Variants in NSDHL observed in about 807,000 individuals in gnomAD.
NSDHL encodes the protein NAD(P) dependent 3-beta-hydroxysteroid dehydrogenase NSDHL.
Under a neutral mutation model 23.0 loss-of-function variants are expected in NSDHL, and 1 was observed. The observed-to-expected ratio is 0.04, with a 90% CI of 0.02 to 0.21. NSDHL has a LOEUF of 0.21. Among genes scored for constraint, NSDHL ranks in the 10% least tolerant of loss-of-function variants. The pLI, the probability that NSDHL is intolerant of heterozygous loss-of-function variation, is 1.00. For missense variants in NSDHL, 237 were observed against 300.9 expected, an observed-to-expected ratio of 0.79 and a Z score of 1.57; for synonymous variants, 128 against 121.1, an observed-to-expected ratio of 1.06 and a Z score of -0.37.
intron 3 of NSDHL, among the ~76,000 whole-genome samples, chrX:152,853,110 C>T (rs1556846501): frequency 1.0e-5 from 1 of 99,475 alleles, no homozygotes; most frequent in Non-Finnish European, 2.0e-5. Context: ...TATCTCCAAC[C>T]CCTAGCTCTC....
chrX:152,850,753 G>A (rs782297961), intron 3 of NSDHL, among the ~76,000 whole-genome samples: 1 of 112,243 alleles, frequency 8.9e-6, no homozygotes, highest in South Asian at 3.7e-4. Flanking sequence ...AGTGTGTGCT[G>A]GGCCACAGGG....
At chrX:152,849,748 T>A (rs976194917) in intron 2 of NSDHL, among the ~76,000 whole-genome samples, 1 of 112,632 alleles carries the variant, frequency 8.9e-6, no homozygotes, top group African/African-American at 3.2e-5. Context: ...CCCAGCCCTG[T>A]TGTGGCCAGA....
chrX:152,858,997 C>G lies in NSDHL; in HGVS notation c.414+81C>G, dbSNP rs782715248. ...GGTGCAAGGCCGTAGTTCTTGCAGT[C>G]TCCCTGGGCCTAGGCGGGGTTGCTT... On this transcript the variant is annotated intron_variant, in intron 4 of 7. Coordinates refer to ENST00000370274, the MANE Select transcript of NSDHL (RefSeq NM_015922.3). 1.1e-4 allele frequency: 93 copies of G among 838,047 alleles called. 1 individual carries two copies. The South Asian group carries it at 2.1e-3, about 19-fold the overall frequency. The allele number at this position is 838,047 out of a possible 1,213,427, so 69.1% of individuals were successfully genotyped here.
At chrX:152,844,880 A>G (rs1285066397) in intron 1 of NSDHL, among the ~76,000 whole-genome samples, 1 of 111,854 alleles carries the variant, frequency 8.9e-6, no homozygotes, top group Non-Finnish European at 1.9e-5. Context: ...CTTGTTCTCT[A>G]GCTGCTTTGG....
At chrX:152,854,249 C>T (rs1419120183) in intron 3 of NSDHL, among the ~76,000 whole-genome samples, 4 of 111,114 alleles carry the variant, frequency 3.6e-5, no homozygotes, top group African/African-American at 1.3e-4. Context: ...GGGCGAGTTG[C>T]ATTTAACCAG....
chrX:152,869,275 C>A lies in NSDHL; in HGVS notation c.*159C>A. On this transcript the variant is annotated 3_prime_UTR_variant, in exon 8 of 8. Coordinates refer to ENST00000370274, the MANE Select transcript of NSDHL (RefSeq NM_015922.3). The stretch of plus-strand genomic sequence containing the variant: ...CCTACTCTTTCCGTGACGATGAGGG[C>A]GGCAAAAACAGACATTTCTTCCTTC... 1 of 506,231 alleles carries A rather than the reference C, an allele frequency of 2.0e-6. No individual in the cohort carries two copies. The highest frequency in any genetic ancestry group is 3.5e-6 in the Non-Finnish European group (1 of 287,590). 41.7% of individuals were successfully genotyped at this position (506,231 alleles called of 1,213,427 possible).
At chrX:152,868,466 A>G (rs782000859) in intron 7 of NSDHL, among the ~76,000 whole-genome samples, 1 of 112,216 alleles carries the variant, frequency 8.9e-6, no homozygotes, top group East Asian at 2.8e-4. Flanking sequence ...CAAGCAGAAC[A>G]CCGTCAAGAA....
At chrX:152,836,637 GCTCTGTTTTGTTCCATTGGTCTATAT>G (rs1467700798) in intron 1 of NSDHL, among the ~76,000 whole-genome samples, 1 of 111,581 alleles carries the variant, frequency 9.0e-6, no homozygotes, top group African/African-American at 3.3e-5. Flanking sequence ...ATTTCTGAGC[GCTCTGTTTTGTTCCATTGGTCTATAT>G]CTCTGTTTTG....
rs782586851 is a variant in NSDHL at position 152,858,827 on chromosome X, C to T, written c.325C>T (p.Pro109Ser). The T allele has an allele frequency of 2.5e-6, 3 of 1,203,393 alleles. No homozygotes were observed. Among genetic ancestry groups the T allele is most frequent in the Non-Finnish European group, 3.4e-6 (3 of 887,904 alleles). The change falls in exon 4 of 8, where the codon CCA (proline) becomes TCA (serine). Residue 109 changes from proline to serine, a missense_variant. Coordinates refer to ENST00000370274, the MANE Select transcript of NSDHL (RefSeq NM_015922.3). The stretch of plus-strand genomic sequence containing the variant: ...AGTTTTCCACTGTGCGTCACCCCCA[C>T]CATCCAGTAACAACAAGGAGCTCTT... ...NTVFHCASPP[P>S]SSNNKELFYR...
At chrX:152,845,510 G>A (rs1556845415) in intron 1 of NSDHL, among the ~76,000 whole-genome samples, 1 of 111,196 alleles carries the variant, frequency 9.0e-6, no homozygotes, top group African/African-American at 3.3e-5. Context: ...TCAGTATCAT[G>A]GGTGACTGAG....
At chrX:152,841,155 G>C (rs782537200) in intron 1 of NSDHL, among the ~76,000 whole-genome samples, 1 of 112,862 alleles carries the variant, frequency 8.9e-6, no homozygotes, top group Non-Finnish European at 1.9e-5. Context: ...TGCTAAGACC[G>C]TGGGAAAAGT....
chrX:152,868,143 T>C (rs1164891413), intron 7 of NSDHL, among the ~76,000 whole-genome samples: 1 of 108,891 alleles, frequency 9.2e-6, no homozygotes, highest in Non-Finnish European at 1.9e-5. Context: ...ATTTTTTTTT[T>C]CTTTTTTTTT....
chrX:152,867,813 C>A, intron 7 of NSDHL, 140 bp downstream of exon 7: 2 of 519,703 alleles, frequency 3.8e-6, no homozygotes, highest in Non-Finnish European at 6.7e-6. Context: ...CAAGATCAAG[C>A]CCCTCTGATA....
rs782195589 is a variant in NSDHL at position 152,869,349 on chromosome X, G to A, written c.*233G>A. 190 of 435,145 alleles carry A rather than the reference G, an allele frequency of 4.4e-4. No individual in the cohort carries two copies. Among genetic ancestry groups the A allele is most frequent in the Non-Finnish European group, 6.5e-4 (160 of 244,849 alleles). The allele number at this position is 435,145 out of a possible 1,213,427, so 35.9% of individuals were successfully genotyped here. On this transcript the variant is annotated 3_prime_UTR_variant, in exon 8 of 8. Transcript: ENST00000370274. Reference sequence around the variant, plus strand: ...GAAGCAGGCAGCTTCATATTATACCGATTTGTTCTCTGTCTTTTTGTGTCT... The same window carrying A: ...GAAGCAGGCAGCTTCATATTATACCAATTTGTTCTCTGTCTTTTTGTGTCT...
chrX:152,840,408 T>C (rs1460175960), intron 1 of NSDHL, among the ~76,000 whole-genome samples: 1 of 112,618 alleles, frequency 8.9e-6, no homozygotes, highest in African/African-American at 3.2e-5. Flanking sequence ...ATTTTCAGGC[T>C]TTCTGCTCTG....
At chrX:152,866,053 T>A in intron 6 of NSDHL, 92 bp downstream of exon 6, 1 of 994,690 alleles carries the variant, frequency 1.0e-6, no homozygotes, top group Non-Finnish European at 1.4e-6. Context: ...GCATTGTAGC[T>A]CTTTTCTTAT....
At chrX:152,868,421 C>T (rs1933645364) in intron 7 of NSDHL, among the ~76,000 whole-genome samples, 1 of 112,053 alleles carries the variant, frequency 8.9e-6, no homozygotes, top group African/African-American at 3.2e-5. Context: ...GCGTGAGCCA[C>T]CGCGCCTGGC....
intron 3 of NSDHL, among the ~76,000 whole-genome samples, chrX:152,853,450 A>C (rs782305448): frequency 9.0e-6 from 1 of 111,281 alleles, no homozygotes; most frequent in South Asian, 3.8e-4. Context: ...CCAATCCAAC[A>C]ACTTCTCACC....
chrX:152,833,420 C>A (rs1933045246), intron 1 of NSDHL, among the ~76,000 whole-genome samples: 2 of 107,696 alleles, frequency 1.9e-5, no homozygotes, highest in African/African-American at 6.9e-5. Flanking sequence ...CCAAGGTGAT[C>A]TTTCCAGTCG....
Sources: allele counts gnomAD v4.1 joint callset (sites outside exome capture counted in the v4.1 genomes callset), GRCh38; gene constraint gnomAD v4.1.1; transcripts MANE v1.5; gene names NCBI Gene and HGNC (gene_info 2026-07-23, HGNC 2026-07-21).